ARV1: variants seen among roughly 807,000 people sequenced by gnomAD.
ARV1 encodes protein ARV1.
In ARV1, 26 loss-of-function variants were observed where a neutral mutation model predicts 31.1. The ratio of observed to expected loss-of-function variants is 0.84; its 90% CI spans 0.61 to 1.16. The LOEUF is 1.16. Ranked by LOEUF, ARV1 falls within the 50% of genes most tolerant of loss-of-function variation. The pLI is 0.00. For synonymous variants in ARV1, 117 were observed against 123.2 expected (o/e 0.95, Z 0.34); for missense variants, 281 against 324.9 (o/e 0.86, Z 1.04).
At chr1:230,980,334 T>A (rs1216816806) in intron 1 of ARV1, among the ~76,000 whole-genome samples, 1 of 151,942 alleles carries the variant, frequency 6.6e-6, no homozygotes, top group East Asian at 1.9e-4. Flanking sequence ...CGGTTTTTTT[T>A]TTCTTTCTTT....
At chr1:230,983,287 T>C (rs1296306166) in intron 1 of ARV1, among the ~76,000 whole-genome samples, 2 of 151,776 alleles carry the variant, frequency 1.3e-5, no homozygotes, top group Non-Finnish European at 2.9e-5. Context: ...TGGCGCACTC[T>C]TGTAATCCCA....
At chr1:230,985,480 G>T (rs2103045845) in intron 1 of ARV1, among the ~76,000 whole-genome samples, 1 of 152,300 alleles carries the variant, frequency 6.6e-6, no homozygotes, top group Non-Finnish European at 1.5e-5. Context: ...GCCAAGAAAA[G>T]AGAACGATTG....
At chr1:230,982,556 C>T (rs912880859) in intron 1 of ARV1, among the ~76,000 whole-genome samples, 29 of 152,172 alleles carry the variant, frequency 1.9e-4, no homozygotes, top group African/African-American at 7.0e-4. Context: ...TACTCTTTCT[C>T]CCAAGAGATG....
At position 230,979,242 on chromosome 1, in the gene ARV1, G is replaced by A. The variant is rs1161719116; in HGVS notation, c.137G>A (p.Arg46Gln). ...AACCAGGAGGCCAAAGAGTTGTACC[G>A]AGACTATAACCACGGTGTGCTGAAG... is the stretch of plus-strand genomic sequence containing the variant. ...ECNQEAKELYRDYNHGVLKIT... is the reference protein window; with the variant it reads ...ECNQEAKELYQDYNHGVLKIT... Residue 46 changes from arginine (R) to glutamine (Q), a missense_variant, in exon 1 of 6, where the codon CGA (arginine) becomes CAA (glutamine). By Grantham distance (43) the Arg-to-Gln change is conservative (BLOSUM62 1). Transcript: ENST00000310256. The A allele has an allele frequency of 1.9e-6, 3 of 1,613,458 alleles. No individual in the cohort carries two copies. In the South Asian group the frequency reaches 3.3e-5, roughly 18 times the overall value.
At chr1:230,979,339 C>A in intron 1 of ARV1, 60 bp downstream of exon 1, 1 of 1,586,678 alleles carries the variant, frequency 6.3e-7, no homozygotes, top group African/African-American at 1.3e-5. Flanking sequence ...ATTTGGGGAC[C>A]GCGAGGAGCA....
rs150619347 is a variant in ARV1, at chr1:230,988,440, G to A, written c.294+1G>A. On this transcript the variant is annotated splice_donor_variant, in intron 2 of 5. Coordinates refer to ENST00000310256, the MANE Select transcript of ARV1 (RefSeq NM_022786.3). LOFTEE classifies it high-confidence loss of function. ...TATTCTTTTCAATACTCAAATAAATGTAAGTTGTGATAATTTCATTTTTTA... is the reference window on the plus strand; with the variant it reads ...TATTCTTTTCAATACTCAAATAAATATAAGTTGTGATAATTTCATTTTTTA... The A allele has an allele frequency of 5.9e-6, 9 of 1,526,642 alleles. No individual in the cohort carries two copies. Among genetic ancestry groups the A allele is most frequent in the Middle Eastern group, 1.7e-4 (1 of 5,760 alleles). The allele number at this position is 1,526,642 out of a possible 1,614,324, so 94.6% of individuals were successfully genotyped here.
intron 2 of ARV1, among the ~76,000 whole-genome samples, chr1:230,989,769 A>G (rs955633033): frequency 6.6e-6 from 1 of 152,218 alleles, no homozygotes; most frequent in Non-Finnish European, 1.5e-5. Flanking sequence ...TGTATAATGA[A>G]AGGTGAACTA....
intron 3 of ARV1, 115 bp downstream of exon 3, chr1:230,990,378 T>G (rs1329400298): frequency 2.9e-6 from 4 of 1,365,402 alleles, no homozygotes; most frequent in Non-Finnish European, 4.0e-6. Flanking sequence ...AATATGGGAC[T>G]TAAGATGAAA....
At chr1:230,996,051 G>T in intron 4 of ARV1, 67 bp downstream of exon 4, 2 of 1,372,474 alleles carry the variant, frequency 1.5e-6, no homozygotes, top group Non-Finnish European at 2.0e-6. Context: ...CCTTGTTTCT[G>T]GGGTGCAGTT....
chr1:230,999,948 C>G (rs542932482), intron 5 of ARV1, 190 bp from the exon 6 acceptor site: 1 of 152,118 alleles, frequency 6.6e-6, no homozygotes, highest in Admixed American at 6.5e-5. Flanking sequence ...TTATACTTAT[C>G]TATGTCTGTC....
In ARV1 at chr1:230,990,173, C is replaced by G; in HGVS notation, c.358C>G (p.Gln120Glu). ...CEAYLRWWQL[Q>E]DSNQNTAPDD... is the part of the protein sequence containing the mutation. ...AGCATACCTGAGGTGGTGGCAGCTT[C>G]AAGATTCCAACCAGAATACTGCCCC... is the stretch of plus-strand genomic sequence containing the variant. Residue 120 changes from glutamine to glutamate, a missense_variant, in exon 3 of 6, where the codon CAA becomes GAA. By Grantham distance (29) the Gln-to-Glu change is conservative. Transcript: ENST00000310256. The G allele has an allele frequency of 1.9e-6, 3 of 1,613,234 alleles. No homozygotes were observed. Among genetic ancestry groups the G allele is most frequent in the Non-Finnish European group, 2.5e-6 (3 of 1,179,850 alleles).
intron 2 of ARV1, among the ~76,000 whole-genome samples, chr1:230,989,251 C>T (rs1376023639): frequency 6.6e-6 from 1 of 152,138 alleles, no homozygotes; most frequent in Non-Finnish European, 1.5e-5. Flanking sequence ...TGTTCTACTG[C>T]CTCAGCCTCC....
chr1:230,990,014 G>A lies in ARV1; in HGVS notation c.295-96G>A, dbSNP rs116714419. 5.1e-4 allele frequency: 654 copies of A among 1,283,472 alleles called. 6 individuals are homozygous for A. The African/African-American group carries it at 9.5e-3, about 19-fold the overall frequency. The allele number at this position is 1,283,472 out of a possible 1,614,324, so 79.5% of individuals were successfully genotyped here. ...AATTGGGCAGTCCTGAATTTGAAAA[G>A]TGACTAGGTGGGATGCCACAAATAC... On this transcript the variant is annotated intron_variant, in intron 2 of 5. Coordinates refer to ENST00000310256, the MANE Select transcript of ARV1 (RefSeq NM_022786.3).
intron 3 of ARV1, among the ~76,000 whole-genome samples, chr1:230,992,336 A>G (rs569008604): frequency 2.6e-4 from 40 of 152,074 alleles, no homozygotes; most frequent in Non-Finnish European, 4.1e-4. Flanking sequence ...TGTGCCCGGA[A>G]TGCCTGTCCC....
At position 230,984,385 on chromosome 1, in the gene ARV1, T is replaced by C. The variant is rs545781056; in HGVS notation, c.175-3935T>C. On this transcript the variant is annotated intron_variant, in intron 1 of 5. Coordinates refer to ENST00000310256, the MANE Select transcript of ARV1 (RefSeq NM_022786.3). ...GTGCGTGTGTGTGTGTGTGTGTGTG[T>C]GTGTGTGTGTGTGTGTAGTTTTCCT... Among the ~76,000 whole-genome samples, 54 of 151,354 alleles carry C rather than the reference T, an allele frequency of 3.6e-4. 2 individuals are homozygous for C. In the South Asian group the frequency reaches 0.01, roughly 29 times the overall value.
At chr1:230,990,029 G>T in intron 2 of ARV1, 81 bp from the exon 3 acceptor site, 1 of 1,380,280 alleles carries the variant, frequency 7.2e-7, no homozygotes. Flanking sequence ...TAGGTGGGAT[G>T]CCACAAATAC....
In ARV1 at chr1:230,990,181, C is replaced by T; in HGVS notation, c.366C>T (p.Ser122=). 6.2e-7 allele frequency: 1 copy of T among 1,613,028 alleles called. No homozygotes were observed. The highest frequency in any genetic ancestry group is 8.5e-7 in the Non-Finnish European group (1 of 1,179,782). ...AYLRWWQLQD[S]NQNTAPDDLI... ...TGAGGTGGTGGCAGCTTCAAGATTC[C>T]AACCAGAATACTGCCCCTGATGACT... The change falls in exon 3 of 6, where the codon TCC becomes TCT. Residue 122 remains serine (S), a synonymous_variant. Transcript: ENST00000310256.
chr1:231,000,386 C>T lies in ARV1; in HGVS notation c.*253C>T, dbSNP rs1392850690. 1.3e-5 allele frequency: 2 copies of T among 152,272 alleles called. No homozygotes were observed. Among genetic ancestry groups the T allele is most frequent in the African/African-American group, 4.8e-5 (2 of 41,466 alleles). 9.4% of individuals were successfully genotyped at this position (152,272 alleles called of 1,614,324 possible). On this transcript the variant is annotated 3_prime_UTR_variant, in exon 6 of 6. Transcript: ENST00000310256. ...ACCCACATGGACACAAGGAATGTTG[C>T]TGCAGAGACTGAATGACATGCAACA...
rs373754574 is a variant in ARV1, at chr1:230,995,796, T to C, written c.485T>C (p.Leu162Pro). ...TATTTTATTGGCATTTTTACCTTCC[T>C]GTGGGTAGAACGGCCCATGACGGCA... is the stretch of plus-strand genomic sequence containing the variant. Reference protein sequence around the residue: ...TAYFIGIFTFLWVERPMTAKK... With the variant: ...TAYFIGIFTFPWVERPMTAKK... The change falls in exon 4 of 6, where the codon CTG becomes CCG. Residue 162 changes from leucine (L) to proline (P), a missense_variant. Physicochemically the swap from Leu to Pro is moderately conservative, Grantham distance 98. Coordinates refer to ENST00000310256, the MANE Select transcript of ARV1 (RefSeq NM_022786.3). The C allele has an allele frequency of 3.5e-5, 56 of 1,613,964 alleles. No homozygotes were observed. The highest frequency in any genetic ancestry group is 4.7e-5 in the Non-Finnish European group (56 of 1,179,996).
Sources: gnomAD v4.1 joint callset for allele counts (sites outside exome capture counted in the v4.1 genomes callset) on GRCh38, gnomAD v4.1.1 for gene constraint, MANE v1.5 for transcripts, NCBI Gene and HGNC (gene_info 2026-07-23, HGNC 2026-07-21) for gene names.